ZNF676: variants seen among roughly 807,000 people sequenced by gnomAD.
ZNF676 encodes zinc finger protein 676.
Under a neutral mutation model 6.0 loss-of-function variants are expected in ZNF676, and 4 were observed. That is an observed-to-expected ratio of 0.67 (90% CI 0.33 to 1.53). The LOEUF is 1.53. Among genes scored for constraint, ZNF676 ranks in the 40% most tolerant of loss-of-function variants. The probability of loss-of-function intolerance (pLI) is 0.06; values close to 1 mark genes in which losing one functional copy is unlikely to be tolerated. For synonymous variants in ZNF676, 198 were observed against 223.1 expected (o/e 0.89, Z 1.00); for missense variants, 644 against 679.7 (o/e 0.95, Z 0.58).
At chr19:22,233,138 T>C in the ZNF676 span, among the ~76,000 whole-genome samples, 1 of 152,020 alleles carries the variant, frequency 6.6e-6, no homozygotes, top group African/African-American at 2.4e-5. Flanking sequence ...AACATATATA[T>C]TCATATGAAG....
intron 2 of ZNF676, among the ~76,000 whole-genome samples, chr19:22,183,722 T>A (rs2023793407): frequency 6.6e-6 from 1 of 152,172 alleles, no homozygotes; most frequent in Non-Finnish European, 1.5e-5. Context: ...AGACTCAAAG[T>A]GGCAAGATGG....
intron 2 of ZNF676, among the ~76,000 whole-genome samples, chr19:22,188,405 A>C (rs1162354030): frequency 3.3e-5 from 5 of 152,208 alleles, no homozygotes; most frequent in African/African-American, 9.6e-5. Flanking sequence ...AGACAATATC[A>C]TACTGAATGG....
At chr19:22,256,295 C>T in the ZNF676 span, among the ~76,000 whole-genome samples, 2 of 152,134 alleles carry the variant, frequency 1.3e-5, no homozygotes, top group South Asian at 2.1e-4. Context: ...CACCTGAGTG[C>T]TTGGCCAGAG....
chr19:22,209,327 TAAA>T (rs879800907), intron 1 of ZNF676, among the ~76,000 whole-genome samples: 1 of 138,146 alleles, frequency 7.2e-6, no homozygotes. Context: ...GTGTGGCCAT[TAAA>T]AAAAAAAAAA....
chr19:22,242,477 T>C, the ZNF676 span, among the ~76,000 whole-genome samples: 1 of 151,964 alleles, frequency 6.6e-6, no homozygotes, highest in African/African-American at 2.4e-5. Context: ...TCACAAGGCC[T>C]CCTGTGGACA....
chr19:22,184,819 C>A (rs2145791315), intron 2 of ZNF676, among the ~76,000 whole-genome samples: 1 of 90,150 alleles, frequency 1.1e-5, no homozygotes, highest in Non-Finnish European at 1.9e-5. Context: ...TTGGGCAGGG[C>A]ATCTTTGAAA....
upstream of ZNF676, among the ~76,000 whole-genome samples, chr19:22,218,321 T>G (rs10401635): frequency 6.6e-6 from 1 of 151,858 alleles, no homozygotes; most frequent in Non-Finnish European, 1.5e-5. Flanking sequence ...AGGTGAGAGA[T>G]GAAGATACTT....
the ZNF676 span, among the ~76,000 whole-genome samples, chr19:22,246,124 G>A: frequency 6.6e-6 from 1 of 152,042 alleles, no homozygotes; most frequent in Admixed American, 6.6e-5. Flanking sequence ...TTTTGGCAGG[G>A]CCAGGATGCA....
chr19:22,208,563 C>T (rs984985709), intron 1 of ZNF676, among the ~76,000 whole-genome samples: 2 of 152,212 alleles, frequency 1.3e-5, no homozygotes, highest in African/African-American at 4.8e-5. Context: ...CATAAAGACA[C>T]ATGCACAATC....
At chr19:22,223,659 G>T in the ZNF676 span, among the ~76,000 whole-genome samples, 1 of 151,814 alleles carries the variant, frequency 6.6e-6, no homozygotes, top group East Asian at 1.9e-4. Context: ...AAATAAATTA[G>T]ATTATTAGTA....
At chr19:22,211,701 A>G (rs1455106655) in intron 1 of ZNF676, among the ~76,000 whole-genome samples, 1 of 152,312 alleles carries the variant, frequency 6.6e-6, no homozygotes, top group Middle Eastern at 3.4e-3. Context: ...GATATAGAAC[A>G]AAGATACTTA....
At chr19:22,198,115 G>T (rs971607101), upstream of ZNF676, among the ~76,000 whole-genome samples, 1 of 152,050 alleles carries the variant, frequency 6.6e-6, no homozygotes, top group African/African-American at 2.4e-5. Context: ...ATCTTGTACT[G>T]CATAGACATA....
the ZNF676 span, among the ~76,000 whole-genome samples, chr19:22,241,955 C>G: frequency 6.6e-6 from 1 of 151,226 alleles, no homozygotes; most frequent in Non-Finnish European, 1.5e-5. Context: ...GGTGTGCACA[C>G]AAGATAAACA....
At chr19:22,216,284 C>T (rs1280873871), upstream of ZNF676, among the ~76,000 whole-genome samples, 3 of 151,858 alleles carry the variant, frequency 2.0e-5, no homozygotes, top group Non-Finnish European at 4.4e-5. Context: ...AAAATACGAA[C>T]ATTAGTCAGG....
the ZNF676 span, among the ~76,000 whole-genome samples, chr19:22,221,622 G>A: frequency 8.9e-4 from 136 of 152,130 alleles, 1 homozygote; most frequent in African/African-American, 3.1e-3. Flanking sequence ...ATGGTGGCAC[G>A]TGGCTGTAAT....
upstream of ZNF676, chr19:22,215,795 T>G (rs1329018502): frequency 4.5e-5 from 30 of 670,048 alleles, no homozygotes; most frequent in Non-Finnish European, 5.6e-5. Context: ...GAAGCCGACC[T>G]GTCCCCCCCC....
chr19:22,254,040 C>A, the ZNF676 span, among the ~76,000 whole-genome samples: 1 of 152,194 alleles, frequency 6.6e-6, no homozygotes, highest in Middle Eastern at 3.4e-3. Flanking sequence ...GTGAGCTGGA[C>A]AAAATATATG....
At chr19:22,182,585 T>TAAAAAAAAAAAAAAAAAAAAAAAAAAAAA (rs67699215) in intron 2 of ZNF676, among the ~76,000 whole-genome samples, 9 of 45,044 alleles carry the variant, frequency 2.0e-4, no homozygotes, top group East Asian at 1.4e-3. Context: ...GTCAAAGTTC[T>TAAAAAAAAAAAAAAAAAAAAAAAAAAAAA]AAAAAAAAAA....
chr19:22,209,534 A>C lies in ZNF676; in HGVS notation c.3+6098T>G, dbSNP rs186338458. On this transcript the variant is annotated intron_variant, in intron 1 of 3. Coordinates refer to the ZNF676 transcript ENST00000650058. ...GGACTAAAAGGGTCAGAAAAAGTAC[A>C]TTTTTGGTGCTATGATTAGTACTGC... 1.7e-3 allele frequency among the ~76,000 whole-genome samples: 260 copies of C among 152,244 alleles called. 1 individual carries two copies. The highest frequency in any genetic ancestry group is 5.9e-3 in the African/African-American group (244 of 41,556).
Sources: gnomAD v4.1 joint callset for allele counts (sites outside exome capture counted in the v4.1 genomes callset) on GRCh38, gnomAD v4.1.1 for gene constraint, MANE v1.5 for transcripts, NCBI Gene and HGNC (gene_info 2026-07-23, HGNC 2026-07-21) for gene names.